Variants in EFCAB5 observed in about 807,000 individuals in gnomAD.
EFCAB5 encodes the protein EF-hand calcium-binding domain-containing protein 5.
Under a neutral mutation model 167.9 loss-of-function variants are expected in EFCAB5, and 131 were observed. The observed-to-expected ratio is 0.78, with a 90% CI of 0.68 to 0.90. The LOEUF (loss-of-function observed/expected upper bound fraction) is 0.90. Ranked by LOEUF, EFCAB5 falls within the 40% of genes least tolerant of loss-of-function variation. The pLI is 0.00. For synonymous variants in EFCAB5, 574 were observed against 602.8 expected (o/e 0.95, Z 0.70); for missense variants, 1,663 against 1,745.2 (o/e 0.95, Z 0.84).
chr17:30,050,284 A>C lies in EFCAB5; in HGVS notation c.1201-834A>C, dbSNP rs184887198. Among the ~76,000 whole-genome samples, 779 of 152,046 alleles carry C rather than the reference A, an allele frequency of 5.1e-3. 6 individuals carry two copies. The highest frequency in any genetic ancestry group is 0.018 in the African/African-American group (732 of 41,468). On this transcript the variant is annotated intron_variant, in intron 8 of 22. Coordinates refer to ENST00000394835, the MANE Select transcript of EFCAB5 (RefSeq NM_198529.4). ...CGAGTAGCTGGGATTACAGGTGCCC[A>C]CCAACATGCCCAGCTAATTTTTGTC...
At chr17:29,965,123 T>G (rs997586397) in intron 3 of EFCAB5, among the ~76,000 whole-genome samples, 4 of 152,096 alleles carry the variant, frequency 2.6e-5, no homozygotes, top group Non-Finnish European at 5.9e-5. Flanking sequence ...CAGTATGGTC[T>G]CGGTCTCCTG....
chr17:30,101,709 G>A (rs2071384988), intron 22 of EFCAB5, among the ~76,000 whole-genome samples: 1 of 152,172 alleles, frequency 6.6e-6, no homozygotes, highest in South Asian at 2.1e-4. Flanking sequence ...GCCACAAAGG[G>A]GAGCAAAGAA....
intron 22 of EFCAB5, among the ~76,000 whole-genome samples, chr17:30,106,953 C>T (rs2071457267): frequency 6.6e-6 from 1 of 152,182 alleles, no homozygotes; most frequent in Admixed American, 6.5e-5. Context: ...AAGAAAAAAA[C>T]AATTCTTACA....
At chr17:30,104,717 A>G (rs1030283404) in intron 22 of EFCAB5, among the ~76,000 whole-genome samples, 2 of 152,178 alleles carry the variant, frequency 1.3e-5, no homozygotes, top group Non-Finnish European at 2.9e-5. Flanking sequence ...GGAACCCAGC[A>G]GAGCGCTGGA....
intron 14 of EFCAB5, among the ~76,000 whole-genome samples, chr17:30,068,474 C>G (rs935411600): frequency 6.6e-6 from 1 of 151,990 alleles, no homozygotes; most frequent in Non-Finnish European, 1.5e-5. Flanking sequence ...AACTATAAAA[C>G]GTTGATGAAA....
chr17:30,061,999 C>T (rs2070437937), intron 14 of EFCAB5, among the ~76,000 whole-genome samples: 1 of 152,206 alleles, frequency 6.6e-6, no homozygotes, highest in Non-Finnish European at 1.5e-5. Flanking sequence ...TTCCCCATTA[C>T]TTTTCATAGG....
At chr17:30,012,665 G>C (rs879909297) in intron 7 of EFCAB5, among the ~76,000 whole-genome samples, 4 of 152,106 alleles carry the variant, frequency 2.6e-5, no homozygotes, top group Non-Finnish European at 5.9e-5. Flanking sequence ...GGTGGTAGTG[G>C]TCCCCCGGGC....
rs1377852450 is a variant in EFCAB5, at chr17:29,969,103, T to A, written c.503T>A (p.Leu168Gln). 6.2e-7 allele frequency: 1 copy of A among 1,613,800 alleles called. No individual in the cohort carries two copies. The highest frequency in any genetic ancestry group is 1.7e-5 in the Admixed American group (1 of 60,004). The change falls in exon 4 of 23, where the codon CTG (leucine) becomes CAG (glutamine). Residue 168 changes from leucine to glutamine, a missense_variant. Transcript: ENST00000394835. ...TGGTTTAATACTGACAGCATGACAC[T>A]GAATAATACTGCATATTTGCTTGAC... ...KEWFNTDSMT[L>Q]NNTAYLLDKL...
chr17:29,993,962 T>C (rs1356574711), intron 5 of EFCAB5, among the ~76,000 whole-genome samples: 1 of 150,262 alleles, frequency 6.7e-6, no homozygotes, highest in Admixed American at 6.6e-5. Context: ...TTATGAAGAA[T>C]TTAGAAATTA....
chr17:29,977,761 T>C (rs2068090160), intron 4 of EFCAB5, among the ~76,000 whole-genome samples: 1 of 152,176 alleles, frequency 6.6e-6, no homozygotes, highest in African/African-American at 2.4e-5. Flanking sequence ...AAGACCAAGT[T>C]AGTATAAATA....
intron 3 of EFCAB5, among the ~76,000 whole-genome samples, chr17:29,957,963 AG>A (rs2067650311): frequency 6.6e-6 from 1 of 152,196 alleles, no homozygotes; most frequent in South Asian, 2.1e-4. Context: ...ACAGTGTAAA[AG>A]TGTTCCTATT....
chr17:30,020,942 G>GTAATAAAGGTTATACTAGAAGA (rs71138867), intron 7 of EFCAB5, among the ~76,000 whole-genome samples: 2 of 151,902 alleles, frequency 1.3e-5, no homozygotes, highest in East Asian at 1.9e-4. Flanking sequence ...ACAAATTATT[G>GTAATAAAGGTTATACTAGAAGA]TATCAGCATG....
At chr17:29,973,349 A>G (rs2067997874) in intron 4 of EFCAB5, among the ~76,000 whole-genome samples, 1 of 152,214 alleles carries the variant, frequency 6.6e-6, no homozygotes, top group Admixed American at 6.5e-5. Context: ...TCCTCCCGCA[A>G]AAGGGAGACA....
At chr17:30,073,676 A>T in intron 14 of EFCAB5, 1 of 714,342 alleles carries the variant, frequency 1.4e-6, no homozygotes. Flanking sequence ...TCCTCTTGAG[A>T]CCAAATTTCC....
intron 3 of EFCAB5, among the ~76,000 whole-genome samples, chr17:29,962,632 C>A (rs529875714): frequency 2.9e-3 from 320 of 110,420 alleles, no homozygotes; most frequent in African/African-American, 0.011. Flanking sequence ...CCATGCCTGG[C>A]TTTTTTTTTT....
chr17:30,069,304 G>A, intron 14 of EFCAB5: 1 of 1,499,218 alleles, frequency 6.7e-7, no homozygotes, highest in Non-Finnish European at 9.3e-7. Context: ...GTGAAGATGA[G>A]TTATCCCCAG....
intron 3 of EFCAB5, among the ~76,000 whole-genome samples, chr17:29,952,994 A>G (rs2067542694): frequency 6.6e-6 from 1 of 152,182 alleles, no homozygotes; most frequent in African/African-American, 2.4e-5. Context: ...CATCTTAATA[A>G]CTACTTTCCA....
intron 3 of EFCAB5, among the ~76,000 whole-genome samples, chr17:29,961,493 G>C (rs1041437351): frequency 6.6e-6 from 1 of 151,644 alleles, no homozygotes; most frequent in Non-Finnish European, 1.5e-5. Flanking sequence ...TTTGTTTTCT[G>C]TGCTCTTGGT....
rs187487050 is a variant in EFCAB5 at position 30,082,724 on chromosome 17, T to A, written c.3427-167T>A. ...TTGATTTCTTGATGATCCTTTTTTT[T>A]AATAGTAGAATCTGGAACACTGCCC... On this transcript the variant is annotated intron_variant, in intron 17 of 22. Coordinates refer to ENST00000394835, the MANE Select transcript of EFCAB5 (RefSeq NM_198529.4). Among the ~76,000 whole-genome samples, 147 of 152,268 alleles carry A rather than the reference T, an allele frequency of 9.7e-4. 2 individuals carry two copies. The Middle Eastern group carries it at 0.01, about 11-fold the overall frequency.
Sources: gnomAD v4.1 joint callset for allele counts (sites outside exome capture counted in the v4.1 genomes callset) on GRCh38, gnomAD v4.1.1 for gene constraint, MANE v1.5 for transcripts, NCBI Gene and HGNC (gene_info 2026-07-23, HGNC 2026-07-21) for gene names.